Variants in RPS6KC1 observed in about 807,000 individuals in gnomAD.
RPS6KC1 encodes inactive ribosomal protein S6 kinase delta-1.
In RPS6KC1, 54 loss-of-function variants were observed where a neutral mutation model predicts 103.8. That is an observed-to-expected ratio of 0.52 (90% CI 0.42 to 0.65). RPS6KC1 has a LOEUF of 0.65. Among genes scored for constraint, RPS6KC1 ranks in the 30% least tolerant of loss-of-function variants. The pLI, the probability that RPS6KC1 is intolerant of heterozygous loss-of-function variation, is 0.00. For synonymous variants in RPS6KC1, 439 were observed against 438.7 expected, an observed-to-expected ratio of 1.00 and a Z score of -0.01; for missense variants, 1,151 against 1,253.8, an observed-to-expected ratio of 0.92 and a Z score of 1.24.
the RPS6KC1 span, among the ~76,000 whole-genome samples, chr1:213,440,809 C>T: frequency 6.6e-6 from 1 of 152,136 alleles, no homozygotes; most frequent in Admixed American, 6.5e-5. Flanking sequence ...GATCTTACTA[C>T]AGGTCTGCCC....
chr1:213,242,176 C>T lies in RPS6KC1; in HGVS notation c.2700C>T (p.Tyr900=), dbSNP rs1465663581. 1 of 1,613,946 alleles carries T rather than the reference C, an allele frequency of 6.2e-7. No individual in the cohort carries two copies. Among genetic ancestry groups the T allele is most frequent in the Non-Finnish European group, 8.5e-7 (1 of 1,179,912 alleles). The change falls in exon 11 of 15, where the codon TAC becomes TAT. Residue 900 remains tyrosine, a synonymous_variant. Transcript: ENST00000366960. ...DKKLALASRF[Y]IPEGCIQRWA... The stretch of plus-strand genomic sequence containing the variant: ...AATTAGCACTAGCCTCCAGGTTTTA[C>T]ATCCCAGAGGGCTGCATTCAAAGAT...
At chr1:213,435,847 C>G in the RPS6KC1 span, among the ~76,000 whole-genome samples, 1 of 152,152 alleles carries the variant, frequency 6.6e-6, no homozygotes, top group African/African-American at 2.4e-5. Flanking sequence ...CTCTCTGCCC[C>G]AGCCCCCACC....
the RPS6KC1 span, among the ~76,000 whole-genome samples, chr1:213,372,031 C>T: frequency 6.6e-6 from 1 of 152,234 alleles, no homozygotes; most frequent in Non-Finnish European, 1.5e-5. Context: ...TTCACCTCTT[C>T]CTTACTGCAA....
chr1:213,399,629 C>CCAAT, the RPS6KC1 span, among the ~76,000 whole-genome samples: 1 of 152,066 alleles, frequency 6.6e-6, no homozygotes, highest in Non-Finnish European at 1.5e-5. Flanking sequence ...AGCACACGGG[C>CCAAT]CAATGGGTGC....
the RPS6KC1 span, among the ~76,000 whole-genome samples, chr1:213,328,504 C>CTATATATATATATA: frequency 2.7e-3 from 270 of 101,328 alleles, 3 homozygotes; most frequent in East Asian, 5.0e-3. Flanking sequence ...AGCCATTATA[C>CTATATATATATATA]TATATATATA....
chr1:213,663,117 A>T, the RPS6KC1 span, among the ~76,000 whole-genome samples: 4 of 152,200 alleles, frequency 2.6e-5, no homozygotes, highest in African/African-American at 9.7e-5. Flanking sequence ...TTCCTTTCTC[A>T]TGGGATTATT....
At chr1:213,738,394 G>A in the RPS6KC1 span, among the ~76,000 whole-genome samples, 25 of 152,220 alleles carry the variant, frequency 1.6e-4, no homozygotes, top group Admixed American at 1.2e-3. Context: ...GTTGACAATC[G>A]TTTGCAAGAG....
At chr1:213,716,750 C>G in the RPS6KC1 span, among the ~76,000 whole-genome samples, 1 of 152,076 alleles carries the variant, frequency 6.6e-6, no homozygotes, top group South Asian at 2.1e-4. Context: ...GGAGCAGTGA[C>G]TATGTCTTTT....
At chr1:213,817,714 C>G in the RPS6KC1 span, 1 of 152,170 alleles carries the variant, frequency 6.6e-6, no homozygotes, top group South Asian at 2.1e-4. Context: ...TCTATTTCCT[C>G]TTCTATAAAA....
chr1:213,464,195 A>G, the RPS6KC1 span, among the ~76,000 whole-genome samples: 2 of 152,152 alleles, frequency 1.3e-5, no homozygotes, highest in African/African-American at 4.8e-5. Context: ...TAGAATTATT[A>G]TGCTAGCTTC....
rs970821070 is a variant in RPS6KC1, at chr1:213,272,820, T to C, written c.*186T>C. On this transcript the variant is annotated 3_prime_UTR_variant, in exon 15 of 15. Transcript: ENST00000366960. Reference sequence around the variant, plus strand: ...TTTACAATTACAAGATATTAGCTAATTGTGCCAGGGGCTGTTATATACATA... The same window carrying C: ...TTTACAATTACAAGATATTAGCTAACTGTGCCAGGGGCTGTTATATACATA... 2 of 511,186 alleles carry C rather than the reference T, an allele frequency of 3.9e-6. No homozygotes were observed. Among genetic ancestry groups the C allele is most frequent in the Admixed American group, 3.1e-5 (1 of 31,974 alleles). The allele number at this position is 511,186 out of a possible 1,614,324, so 31.7% of individuals were successfully genotyped here.
intron 6 of RPS6KC1, among the ~76,000 whole-genome samples, chr1:213,143,543 CT>C (rs923033501): frequency 2.0e-5 from 3 of 151,362 alleles, no homozygotes; most frequent in South Asian, 2.1e-4. Flanking sequence ...GAGTTTCAGC[CT>C]TTTTTTAATA....
At chr1:213,505,113 G>A in the RPS6KC1 span, among the ~76,000 whole-genome samples, 8 of 152,058 alleles carry the variant, frequency 5.3e-5, no homozygotes, top group South Asian at 2.1e-4. Flanking sequence ...GTCACTGTAC[G>A]ATATCCACTT....
intron 8 of RPS6KC1, among the ~76,000 whole-genome samples, chr1:213,220,154 C>G (rs186639974): frequency 3.3e-5 from 4 of 119,740 alleles, no homozygotes; most frequent in Non-Finnish European, 8.5e-5. Context: ...TTGTATTAAT[C>G]AGGTTTAAAT....
At chr1:213,053,382 C>A (rs1346952674) in intron 1 of RPS6KC1, among the ~76,000 whole-genome samples, 1 of 152,222 alleles carries the variant, frequency 6.6e-6, no homozygotes, top group Admixed American at 6.5e-5. Flanking sequence ...CATGCATGTG[C>A]ATGGCACACA....
chr1:213,440,267 A>G, the RPS6KC1 span, among the ~76,000 whole-genome samples: 3 of 152,180 alleles, frequency 2.0e-5, no homozygotes, highest in Non-Finnish European at 2.9e-5. Flanking sequence ...TGAGCATCCT[A>G]TATGTCAGGC....
the RPS6KC1 span, among the ~76,000 whole-genome samples, chr1:213,643,344 T>A: frequency 6.6e-6 from 1 of 151,902 alleles, no homozygotes; most frequent in Non-Finnish European, 1.5e-5. Flanking sequence ...CTTTTTTTAA[T>A]GAAGGTTTTG....
At chr1:213,307,686 A>T in the RPS6KC1 span, among the ~76,000 whole-genome samples, 2 of 152,308 alleles carry the variant, frequency 1.3e-5, no homozygotes, top group South Asian at 4.1e-4. Flanking sequence ...AACAGAAGTG[A>T]TACAAAGATC....
chr1:213,076,872 C>CT (rs397944007), intron 2 of RPS6KC1, among the ~76,000 whole-genome samples: 1,647 of 143,848 alleles, frequency 0.011, 55 homozygotes, highest in East Asian at 0.075. Context: ...TCAGTTTATC[C>CT]TTTTTTTTTT....
Sources: allele counts gnomAD v4.1 joint callset (sites outside exome capture counted in the v4.1 genomes callset), GRCh38; gene constraint gnomAD v4.1.1; transcripts MANE v1.5; gene names NCBI Gene and HGNC (gene_info 2026-07-23, HGNC 2026-07-21).